The following FHL1 variants were observed in gnomAD, a reference collection of about 807,000 sequenced individuals.
FHL1 encodes four and a half LIM domains protein 1.
FHL1 carries 1 observed loss-of-function variant against 20.3 expected under a neutral mutation model. The observed-to-expected ratio is 0.05, with a 90% confidence interval of 0.02 to 0.23. The LOEUF (loss-of-function observed/expected upper bound fraction) is 0.23. FHL1 is among the 10% of genes least tolerant of loss of function. The pLI is 1.00. For synonymous variants in FHL1, 82 were observed against 88.9 expected, an observed-to-expected ratio of 0.92 and a Z score of 0.44; for missense variants, 177 against 234.0, an observed-to-expected ratio of 0.76 and a Z score of 1.59.
chrX:136,168,578 G>A (rs749581830), upstream of FHL1, among the ~76,000 whole-genome samples: 2 of 111,502 alleles, frequency 1.8e-5, no homozygotes, highest in South Asian at 3.8e-4. Flanking sequence ...AAATGTTAGC[G>A]CTTCACCATG....
chrX:136,153,284 T>TTG (rs756536145), intron 1 of FHL1, among the ~76,000 whole-genome samples: 1 of 87,634 alleles, frequency 1.1e-5, no homozygotes, highest in African/African-American at 4.2e-5. Context: ...TTGCGGGAGG[T>TTG]GGGGGGGGGC....
chrX:136,210,412 A>G lies in FHL1; in HGVS notation c.*387A>G. The G allele has an allele frequency of 5.1e-6, 2 of 395,753 alleles. No homozygotes were observed. Among genetic ancestry groups the G allele is most frequent in the Non-Finnish European group, 9.5e-6 (2 of 211,247 alleles). The allele number at this position is 395,753 out of a possible 1,213,427, so 32.6% of individuals were successfully genotyped here. ...ATGCCTCAGCTGGGACCCACCGTGT[A>G]GACACACGACATGCAAGAGTTGCAG... is the stretch of plus-strand genomic sequence containing the variant. On this transcript the variant is annotated 3_prime_UTR_variant, in exon 6 of 6. Transcript: ENST00000370683.
Position 136,197,098 on chromosome X carries a change from C to T in FHL1, c.-15C>T. 1 of 1,208,326 alleles carries T rather than the reference C, an allele frequency of 8.3e-7. No homozygotes were observed. On this transcript the variant is annotated 5_prime_UTR_variant, in exon 1 of 6. Transcript: ENST00000370683. ...GACTGGTCTAGGTGCTGCTCCTGAA[C>T]TTGGTCTCTGAGCCATGGCTTCCCA...
chrX:136,154,905 C>T (rs1400436896), intron 1 of FHL1, among the ~76,000 whole-genome samples: 1 of 111,630 alleles, frequency 9.0e-6, no homozygotes, highest in Non-Finnish European at 1.9e-5. Context: ...CGGGGTTTCA[C>T]CATGTTGGCC....
chrX:136,200,576 G>T, intron 1 of FHL1, among the ~76,000 whole-genome samples: 1 of 112,103 alleles, frequency 8.9e-6, no homozygotes, highest in Non-Finnish European at 1.9e-5. Flanking sequence ...AAACTTAGTT[G>T]TGGTAACATA....
chrX:136,197,603 G>T (rs958726244), intron 1 of FHL1, among the ~76,000 whole-genome samples: 2 of 112,608 alleles, frequency 1.8e-5, no homozygotes, highest in Non-Finnish European at 1.9e-5. Flanking sequence ...CTTCCCTTTT[G>T]CTGACAATGT....
Position 136,206,428 on chromosome X carries a change from GCAC to G in FHL1, c.47_49del (p.Thr16del), listed in dbSNP as rs1356932748. ...GCAGGTCCCTCCAGCTACAAGGTGG[GCAC>G]CATGGCGGAGAAGTTTGACTGCCAC... On this transcript the variant is annotated inframe_deletion, in exon 2 of 6. Coordinates refer to ENST00000370683, the MANE Select transcript of FHL1 (RefSeq NM_001159699.2). The G allele has an allele frequency of 8.3e-7, 1 of 1,210,768 alleles. No homozygotes were observed. The highest frequency in any genetic ancestry group is 1.7e-5 in the African/African-American group (1 of 57,353).
upstream of FHL1, chrX:136,197,031 T>C (rs760450662): frequency 6.3e-6 from 7 of 1,114,324 alleles, no homozygotes; most frequent in African/African-American, 1.1e-4. Context: ...TAAATGTATG[T>C]TCACAAATGA....
At chrX:136,202,776 A>C (rs2073747967) in intron 1 of FHL1, among the ~76,000 whole-genome samples, 1 of 112,106 alleles carries the variant, frequency 8.9e-6, no homozygotes, top group Non-Finnish European at 1.9e-5. Context: ...AAAGAAAGAA[A>C]GAGCAAGCTT....
chrX:136,172,383 C>A (rs2072894716), intron 2 of FHL1, among the ~76,000 whole-genome samples: 1 of 112,317 alleles, frequency 8.9e-6, no homozygotes, highest in African/African-American at 3.2e-5. Context: ...GTGGGACATG[C>A]CTAGATTATT....
intron 2 of FHL1, among the ~76,000 whole-genome samples, chrX:136,175,780 T>C (rs2072987712): frequency 8.9e-6 from 1 of 112,561 alleles, no homozygotes; most frequent in Admixed American, 9.4e-5. Context: ...AAGTGATATG[T>C]ACCTGTGGAC....
intron 2 of FHL1, among the ~76,000 whole-genome samples, chrX:136,170,620 ACTCAGGGTTC>A (rs1355186010): frequency 9.0e-6 from 1 of 110,931 alleles, no homozygotes; most frequent in East Asian, 2.8e-4. Context: ...CTCTGTGATG[ACTCAGGGTTC>A]CTCAATTTTC....
At chrX:136,155,478 C>T (rs987909423) in intron 1 of FHL1, among the ~76,000 whole-genome samples, 5 of 112,156 alleles carry the variant, frequency 4.5e-5, no homozygotes, top group African/African-American at 1.6e-4. Context: ...GCTAGGGTCC[C>T]AGCAAATGCT....
chrX:136,152,199 C>T (rs2072283260), intron 1 of FHL1, among the ~76,000 whole-genome samples: 1 of 111,840 alleles, frequency 8.9e-6, no homozygotes, highest in African/African-American at 3.3e-5. Flanking sequence ...AATATATACT[C>T]ATTGTCTAAT....
intron 2 of FHL1, among the ~76,000 whole-genome samples, chrX:136,188,250 G>A (rs1199463844): frequency 8.9e-6 from 1 of 111,864 alleles, no homozygotes; most frequent in African/African-American, 3.2e-5. Context: ...ACTAAAGAAA[G>A]AATGTGTGAT....
intron 1 of FHL1, among the ~76,000 whole-genome samples, chrX:136,154,497 T>C (rs764324358): frequency 3.7e-4 from 41 of 112,269 alleles, no homozygotes; most frequent in African/African-American, 1.3e-3. Flanking sequence ...TCTTTAGACA[T>C]GGTAGCCTGG....
rs2073991126 is a variant in FHL1, at chrX:136,210,697, G to T, written c.*672G>T. On this transcript the variant is annotated 3_prime_UTR_variant, in exon 6 of 6. Transcript: ENST00000370683. The stretch of plus-strand genomic sequence containing the variant: ...ACTTTAAAGCATGGAACATGCAGGT[G>T]ATTTGGGAAGTGTAGAAAGACCTGA... 2 of 389,527 alleles carry T rather than the reference G, an allele frequency of 5.1e-6. No individual in the cohort carries two copies. Among genetic ancestry groups the T allele is most frequent in the East Asian group, 1.1e-4 (2 of 18,848 alleles). The allele number at this position is 389,527 out of a possible 1,213,427, so 32.1% of individuals were successfully genotyped here. A position where few individuals can be genotyped will look rare whatever the true frequency, so the allele number is the denominator to read the frequency against.
chrX:136,210,934 C>T lies in FHL1; in HGVS notation c.*909C>T, dbSNP rs745557587. ...GAAATTCATCCTACGGAAGTAACCG[C>T]AAAACTCTAGAGGGGGAGTTGAGCA... On this transcript the variant is annotated 3_prime_UTR_variant, in exon 6 of 6. Coordinates refer to ENST00000370683, the MANE Select transcript of FHL1 (RefSeq NM_001159699.2). The T allele has an allele frequency of 5.0e-5, 19 of 381,295 alleles. No individual in the cohort carries two copies. Among genetic ancestry groups the T allele is most frequent in the South Asian group, 3.1e-4 (12 of 38,740 alleles). The allele number at this position is 381,295 out of a possible 1,213,427, so 31.4% of individuals were successfully genotyped here.
chrX:136,157,493 G>A (rs909222249), intron 1 of FHL1, among the ~76,000 whole-genome samples: 1 of 111,524 alleles, frequency 9.0e-6, no homozygotes, highest in African/African-American at 3.3e-5. Flanking sequence ...TACAAAAACC[G>A]GCATCCAATT....
Sources: allele counts gnomAD v4.1 joint callset (sites outside exome capture counted in the v4.1 genomes callset), GRCh38; gene constraint gnomAD v4.1.1; transcripts MANE v1.5; gene names NCBI Gene and HGNC (gene_info 2026-07-23, HGNC 2026-07-21).